Variants in MTDH observed in about 807,000 individuals in gnomAD.
MTDH encodes the protein protein LYRIC.
A neutral mutation model predicts 72.7 loss-of-function variants in MTDH; 34 were observed. The ratio of observed to expected loss-of-function variants is 0.47; its 90% confidence interval spans 0.36 to 0.62. The LOEUF is 0.62. Among genes scored for constraint, MTDH ranks in the 20% least tolerant of loss-of-function variants. The probability of loss-of-function intolerance (pLI) is 0.00; values close to 1 mark genes in which losing one functional copy is unlikely to be tolerated. For synonymous variants in MTDH, 266 were observed against 268.9 expected (o/e 0.99, Z 0.10); for missense variants, 677 against 699.4 (o/e 0.97, Z 0.36).
intron 6 of MTDH, among the ~76,000 whole-genome samples, chr8:97,693,182 C>G (rs148564771): frequency 3.3e-4 from 50 of 152,192 alleles, no homozygotes; most frequent in Non-Finnish European, 5.0e-4. Context: ...TATAAGTGCC[C>G]ATTTATCATA....
chr8:97,662,173 G>A (rs1812196776), intron 2 of MTDH, among the ~76,000 whole-genome samples: 1 of 150,468 alleles, frequency 6.6e-6, no homozygotes, highest in Non-Finnish European at 1.5e-5. Flanking sequence ...GTTCCCTTTT[G>A]TGCATCGAAT....
chr8:97,694,384 A>G (rs1397798372), intron 6 of MTDH, among the ~76,000 whole-genome samples: 1 of 151,754 alleles, frequency 6.6e-6, no homozygotes, highest in African/African-American at 2.4e-5. Context: ...TTTAGTAGAG[A>G]TGGGGTTTCT....
chr8:97,647,764 A>T (rs562616288), intron 1 of MTDH, among the ~76,000 whole-genome samples: 1 of 152,136 alleles, frequency 6.6e-6, no homozygotes, highest in Non-Finnish European at 1.5e-5. Context: ...GCTACTTGCA[A>T]TGAGTCACTT....
intron 1 of MTDH, 123 bp downstream of exon 1, chr8:97,645,010 G>A: frequency 8.9e-7 from 1 of 1,122,540 alleles, no homozygotes; most frequent in Non-Finnish European, 1.2e-6. Context: ...CCGAGAGGCA[G>A]CACTCCCAAG....
intron 8 of MTDH, among the ~76,000 whole-genome samples, chr8:97,707,440 A>T (rs1395094281): frequency 1.5e-5 from 2 of 134,592 alleles, no homozygotes; most frequent in South Asian, 2.3e-4. Context: ...GTAAGCCACC[A>T]TGCCTGGCCT....
chr8:97,693,032 A>G (rs1317437540), intron 6 of MTDH, among the ~76,000 whole-genome samples: 12 of 151,850 alleles, frequency 7.9e-5, no homozygotes, highest in African/African-American at 2.7e-4. Flanking sequence ...ACACCTGGCC[A>G]TGTTTTGCGG....
At chr8:97,688,890 A>G (rs1052874387) in intron 4 of MTDH, 148 bp from the exon 5 acceptor site, 8 of 374,132 alleles carry the variant, frequency 2.1e-5, no homozygotes, top group East Asian at 1.3e-4. Context: ...GTGTTGTAAA[A>G]TTGACTTTTT....
intron 4 of MTDH, among the ~76,000 whole-genome samples, chr8:97,688,383 A>G (rs1011175644): frequency 2.6e-5 from 4 of 152,146 alleles, no homozygotes; most frequent in Non-Finnish European, 2.9e-5. Flanking sequence ...ATTTATTGCC[A>G]TGGTACAGCA....
chr8:97,688,054 G>T (rs993458518), intron 4 of MTDH, among the ~76,000 whole-genome samples: 4 of 152,116 alleles, frequency 2.6e-5, no homozygotes, highest in African/African-American at 7.2e-5. Flanking sequence ...CCACCTTTTT[G>T]AGAATATTAT....
chr8:97,711,351 AAAG>A (rs1814625350), intron 8 of MTDH, among the ~76,000 whole-genome samples: 1 of 151,500 alleles, frequency 6.6e-6, no homozygotes, highest in African/African-American at 2.4e-5. Context: ...AAAAAAAAAA[AAAG>A]AAAAATCAGC....
rs564887153 is a variant in MTDH at position 97,729,036 on chromosome 8, C to CA, written c.*4367dup. On this transcript the variant is annotated 3_prime_UTR_variant, in exon 12 of 12. Coordinates refer to ENST00000336273, the MANE Select transcript of MTDH (RefSeq NM_178812.4). ...GAGCTATATTCTCCCACTTTAGCCT[C>CA]AGCCTCCAGAGTACCTGGGACTACA... 1.6e-4 allele frequency among the ~76,000 whole-genome samples: 25 copies of CA among 151,628 alleles called. No individual in the cohort carries two copies. The highest frequency in any genetic ancestry group is 6.0e-4 in the African/African-American group (25 of 41,338).
intron 4 of MTDH, among the ~76,000 whole-genome samples, chr8:97,688,240 A>G (rs1048484897): frequency 2.0e-5 from 3 of 152,104 alleles, no homozygotes; most frequent in Non-Finnish European, 4.4e-5. Context: ...ATACTGTTCA[A>G]TTTGCTGGAA....
At chr8:97,679,930 G>T (rs1813002403) in intron 2 of MTDH, among the ~76,000 whole-genome samples, 1 of 152,134 alleles carries the variant, frequency 6.6e-6, no homozygotes, top group Non-Finnish European at 1.5e-5. Context: ...CTCCTAATAA[G>T]ATACTAGAAT....
chr8:97,649,949 ATTTCT>A (rs752818540), intron 1 of MTDH, among the ~76,000 whole-genome samples: 5 of 143,428 alleles, frequency 3.5e-5, no homozygotes, highest in Admixed American at 1.4e-4. Flanking sequence ...CTCTCTACCA[ATTTCT>A]TTTCTTTTCT....
At chr8:97,700,987 G>A (rs1174968421) in intron 7 of MTDH, among the ~76,000 whole-genome samples, 1 of 152,198 alleles carries the variant, frequency 6.6e-6, no homozygotes, top group East Asian at 1.9e-4. Flanking sequence ...TGAATTGCTG[G>A]CTAAAGGTTA....
intron 8 of MTDH, among the ~76,000 whole-genome samples, chr8:97,711,973 C>T (rs1814657199): frequency 6.6e-6 from 1 of 152,178 alleles, no homozygotes; most frequent in African/African-American, 2.4e-5. Context: ...AGATACAGAA[C>T]ATTTATCGTT....
intron 7 of MTDH, among the ~76,000 whole-genome samples, chr8:97,701,583 A>G (rs1230208208): frequency 6.6e-6 from 1 of 152,158 alleles, no homozygotes; most frequent in Non-Finnish European, 1.5e-5. Context: ...ATTTTTGGGG[A>G]AAAAAATAAA....
At position 97,687,480 on chromosome 8, in the gene MTDH, G is replaced by T; in HGVS notation, c.620G>T (p.Arg207Leu). ...AGAGAGAAACGACAGCAGCGTAAAC[G>T]TGATAAGGTGCTGACTGATTCTGGT... is the stretch of plus-strand genomic sequence containing the variant. Reference protein sequence around the residue: ...SHREKRQQRKRDKVLTDSGSL... With the variant: ...SHREKRQQRKLDKVLTDSGSL... Residue 207 changes from arginine (R) to leucine (L), a missense_variant, in exon 4 of 12, where the codon CGT becomes CTT. This residue lies in a region of MTDH where 467 missense variants were observed against 469.1 expected (regional missense o/e 1.00). Transcript: ENST00000336273. The T allele has an allele frequency of 6.2e-7, 1 of 1,612,696 alleles. No individual in the cohort carries two copies. The highest frequency in any genetic ancestry group is 8.5e-7 in the Non-Finnish European group (1 of 1,179,376).
At chr8:97,713,535 C>A in intron 8 of MTDH, 127 bp from the exon 9 acceptor site, 1 of 545,138 alleles carries the variant, frequency 1.8e-6, no homozygotes, top group Non-Finnish European at 3.2e-6. Flanking sequence ...TTACTTATTA[C>A]TAGTTTTTAT....
Sources: allele counts gnomAD v4.1 joint callset (sites outside exome capture counted in the v4.1 genomes callset), GRCh38; gene constraint gnomAD v4.1.1; regional missense constraint gnomAD v4.1.1; transcripts MANE v1.5; gene names NCBI Gene and HGNC (gene_info 2026-07-23, HGNC 2026-07-21).